Variants in PPP1R12A observed in about 807,000 individuals in gnomAD.
PPP1R12A encodes myosin binding subunit.
In PPP1R12A, 19 loss-of-function variants were observed where a neutral mutation model predicts 139.6. The ratio of observed to expected loss-of-function variants is 0.14; its 90% CI spans 0.09 to 0.20. PPP1R12A has a LOEUF of 0.20. Ranked by LOEUF, PPP1R12A falls within the 10% of genes least tolerant of loss-of-function variation. PPP1R12A has a pLI of 1.00. For missense variants in PPP1R12A, 925 were observed against 1,211.5 expected, an observed-to-expected ratio of 0.76 and a Z score of 3.51; for synonymous variants, 427 against 420.6, an observed-to-expected ratio of 1.02 and a Z score of -0.19.
At chr12:79,919,110 A>G (rs1454412103) in intron 1 of PPP1R12A, among the ~76,000 whole-genome samples, 1 of 149,306 alleles carries the variant, frequency 6.7e-6, no homozygotes, top group East Asian at 2.0e-4. Flanking sequence ...TCTTGTCTTA[A>G]AAAAAAAAAT....
chr12:79,834,502 A>G (rs1337030534), intron 3 of PPP1R12A, among the ~76,000 whole-genome samples: 3 of 152,242 alleles, frequency 2.0e-5, no homozygotes, highest in African/African-American at 4.8e-5. Context: ...CAGTGCAGAC[A>G]GTAAAGTGGT....
At chr12:79,915,535 G>T (rs1886925319) in intron 1 of PPP1R12A, among the ~76,000 whole-genome samples, 1 of 151,986 alleles carries the variant, frequency 6.6e-6, no homozygotes, top group Non-Finnish European at 1.5e-5. Context: ...TCAGACACCA[G>T]GCTTGCTGTT....
intron 1 of PPP1R12A, among the ~76,000 whole-genome samples, chr12:79,883,269 C>T (rs760722352): frequency 6.6e-6 from 1 of 151,932 alleles, no homozygotes; most frequent in Non-Finnish European, 1.5e-5. Context: ...TGTACTACAG[C>T]ATTATGATTT....
chr12:79,890,285 T>C (rs1884470873), intron 1 of PPP1R12A, among the ~76,000 whole-genome samples: 2 of 152,186 alleles, frequency 1.3e-5, no homozygotes, highest in African/African-American at 4.8e-5. Flanking sequence ...TCATACACTC[T>C]AATAAGGTAG....
At position 79,854,149 on chromosome 12, in the gene PPP1R12A, G is replaced by A. The variant is rs114090221; in HGVS notation, c.369-8729C>T. 2.8e-3 allele frequency among the ~76,000 whole-genome samples: 419 copies of A among 152,166 alleles called. 2 individuals are homozygous for A. Among genetic ancestry groups the A allele is most frequent in the African/African-American group, 9.6e-3 (398 of 41,500 alleles). ...AGCTTGCAGAATGCCTATCAGTGAC[G>A]CAGAAGAAAATCCCAAGCAAGCAAT... On this transcript the variant is annotated intron_variant, in intron 2 of 24. Transcript: ENST00000450142.
chr12:79,860,088 T>A (rs186297053), intron 2 of PPP1R12A, among the ~76,000 whole-genome samples: 7 of 152,174 alleles, frequency 4.6e-5, no homozygotes, highest in African/African-American at 1.7e-4. Context: ...CTAATTTCCC[T>A]CTTAGATTGG....
intron 1 of PPP1R12A, among the ~76,000 whole-genome samples, chr12:79,917,349 G>C (rs1050414214): frequency 6.6e-6 from 1 of 152,008 alleles, no homozygotes; most frequent in Non-Finnish European, 1.5e-5. Flanking sequence ...GCTGGGCGTG[G>C]TGGCACGTGC....
intron 1 of PPP1R12A, among the ~76,000 whole-genome samples, chr12:79,883,742 A>G (rs531390217): frequency 1.3e-5 from 2 of 151,936 alleles, no homozygotes; most frequent in East Asian, 3.9e-4. Flanking sequence ...AAGAGTGTAG[A>G]GAAGTGATTT....
At chr12:79,788,437 A>C in intron 21 of PPP1R12A, 1 of 475,342 alleles carries the variant, frequency 2.1e-6, no homozygotes, top group Non-Finnish European at 3.7e-6. Flanking sequence ...ATGACTTGAG[A>C]TACTTAAATG....
intron 2 of PPP1R12A, among the ~76,000 whole-genome samples, chr12:79,865,583 C>T (rs1175800362): frequency 6.6e-6 from 1 of 152,112 alleles, no homozygotes; most frequent in Non-Finnish European, 1.5e-5. Flanking sequence ...TCGTCTCAGC[C>T]CCAAATCTCC....
chr12:79,933,740 T>C (rs1163586763), intron 1 of PPP1R12A, among the ~76,000 whole-genome samples: 4 of 152,236 alleles, frequency 2.6e-5, no homozygotes, highest in African/African-American at 7.2e-5. Flanking sequence ...GGATTGCCAA[T>C]AGTTTCTCCT....
intron 1 of PPP1R12A, among the ~76,000 whole-genome samples, chr12:79,925,661 G>C (rs12579508): frequency 6.6e-6 from 1 of 152,130 alleles, no homozygotes; most frequent in Non-Finnish European, 1.5e-5. Context: ...TGACAATGTG[G>C]AATGTCTCCT....
intron 1 of PPP1R12A, among the ~76,000 whole-genome samples, chr12:79,905,012 T>G (rs1885973085): frequency 6.6e-6 from 1 of 152,230 alleles, no homozygotes; most frequent in Admixed American, 6.5e-5. Context: ...GAAAATCTAT[T>G]TTAACACTTT....
Position 79,801,431 on chromosome 12 carries a change from CATTT to C in PPP1R12A, c.2001-2851_2001-2848del, listed in dbSNP as rs371387550. Among the ~76,000 whole-genome samples, 116 of 129,484 alleles carry C rather than the reference CATTT, an allele frequency of 9.0e-4. 2 individuals carry two copies. In the South Asian group the frequency reaches 0.019, roughly 22 times the overall value. The allele number at this position is 129,484 out of a possible 152,430, so 84.9% of individuals were successfully genotyped here. On this transcript the variant is annotated intron_variant, in intron 14 of 24. Transcript: ENST00000450142. ...TTAACATTCTTCTCAATTTGTAATT[CATTT>C]TTTTAGCCTAACACTATTCATACAA...
At chr12:79,797,019 A>G in intron 16 of PPP1R12A, 69 bp from the exon 17 acceptor site, 1 of 1,484,558 alleles carries the variant, frequency 6.7e-7, no homozygotes, top group Non-Finnish European at 9.1e-7. Flanking sequence ...AATACTTAAA[A>G]ATTCATTTCA....
At chr12:79,831,088 GA>G in intron 4 of PPP1R12A, among the ~76,000 whole-genome samples, 1 of 151,972 alleles carries the variant, frequency 6.6e-6, no homozygotes, top group African/African-American at 2.4e-5. Flanking sequence ...CATATTTACA[GA>G]AACAAGTGCT....
At chr12:79,930,733 T>C (rs148546931) in intron 1 of PPP1R12A, among the ~76,000 whole-genome samples, 2,200 of 151,916 alleles carry the variant, frequency 0.014, 44 homozygotes, top group East Asian at 0.066. Context: ...GATAGCGCCA[T>C]TGCACTCCAG....
At position 79,913,642 on chromosome 12, in the gene PPP1R12A, T is replaced by C. The variant is rs115988359; in HGVS notation, c.237+21053A>G. Among the ~76,000 whole-genome samples, 961 of 152,336 alleles carry C rather than the reference T, an allele frequency of 6.3e-3. 7 individuals carry two copies. Among genetic ancestry groups the C allele is most frequent in the African/African-American group, 0.022 (925 of 41,588 alleles). On this transcript the variant is annotated intron_variant, in intron 1 of 24. Coordinates refer to ENST00000450142, the MANE Select transcript of PPP1R12A (RefSeq NM_002480.3). ...CTCTCACTTTCTTGTTCCTAAAGAT[T>C]GACTTGGCTGTGCCTGGTCTTTTTC...
Position 79,774,301 on chromosome 12 carries a change from G to C in PPP1R12A, c.*1628C>G, listed in dbSNP as rs190607398. 2 of 152,222 alleles carry C rather than the reference G, an allele frequency of 1.3e-5. No individual in the cohort carries two copies. Among genetic ancestry groups the C allele is most frequent in the African/African-American group, 4.8e-5 (2 of 41,374 alleles). The allele number at this position is 152,222 out of a possible 1,614,324, so 9.4% of individuals were successfully genotyped here. A position where few individuals can be genotyped will look rare whatever the true frequency, so the allele number is the denominator to read the frequency against. ...ACCTTATATCTTCATAAAACCAATC[G>C]AGAGAGAGAGGACTTAAAATCCTGC... On this transcript the variant is annotated 3_prime_UTR_variant, in exon 25 of 25. Coordinates refer to ENST00000450142, the MANE Select transcript of PPP1R12A (RefSeq NM_002480.3).
Sources: allele counts gnomAD v4.1 joint callset (sites outside exome capture counted in the v4.1 genomes callset), GRCh38; gene constraint gnomAD v4.1.1; transcripts MANE v1.5; gene names NCBI Gene and HGNC (gene_info 2026-07-23, HGNC 2026-07-21).